PPM1B: variants seen among roughly 807,000 people sequenced by gnomAD.
PPM1B encodes the protein protein phosphatase, Mg2+/Mn2+ dependent 1B.
A neutral mutation model predicts 43.0 loss-of-function variants in PPM1B; 22 were observed. That is an observed-to-expected ratio of 0.51 (90% CI 0.37 to 0.73). The LOEUF is 0.73. Ranked by LOEUF, PPM1B falls within the 30% of genes least tolerant of loss-of-function variation. PPM1B has a pLI of 0.00. For missense variants in PPM1B, 632 were observed against 584.2 expected (o/e 1.08, Z -0.84); for synonymous variants, 217 against 197.9 (o/e 1.10, Z -0.81).
In PPM1B at chr2:44,231,462, G is replaced by C. The variant is rs1670467369; in HGVS notation, c.*744G>C. 1.0e-6 allele frequency: 1 copy of C among 972,430 alleles called. No homozygotes were observed. Among genetic ancestry groups the C allele is most frequent in the African/African-American group, 1.8e-5 (1 of 56,944 alleles). The allele number at this position is 972,430 out of a possible 1,614,324, so 60.2% of individuals were successfully genotyped here. On this transcript the variant is annotated 3_prime_UTR_variant, in exon 6 of 6. Transcript: ENST00000282412. ...TAAGTCCAAATAAAGCATGTGATGT[G>C]GAATAATCTATGCATGTTGTACTTA... is the stretch of plus-strand genomic sequence containing the variant.
At chr2:44,182,036 A>G (rs1008010761) in intron 1 of PPM1B, among the ~76,000 whole-genome samples, 6 of 152,170 alleles carry the variant, frequency 3.9e-5, no homozygotes, top group African/African-American at 1.2e-4. Flanking sequence ...GGCGTTACCA[A>G]TAGTTTGAAA....
chr2:44,231,371 G>C lies in PPM1B; in HGVS notation c.*653G>C. The C allele has an allele frequency of 2.1e-6, 2 of 974,756 alleles. No individual in the cohort carries two copies. The highest frequency in any genetic ancestry group is 2.4e-6 in the Non-Finnish European group (2 of 820,400). The allele number at this position is 974,756 out of a possible 1,614,324, so 60.4% of individuals were successfully genotyped here. On this transcript the variant is annotated 3_prime_UTR_variant, in exon 6 of 6. Coordinates refer to ENST00000282412, the MANE Select transcript of PPM1B (RefSeq NM_002706.6). Reference sequence around the variant, plus strand: ...CATACAGCTTTGGTTTGTATATTCTGTATAGCCTAACTACACACATCAAAA... The same window carrying C: ...CATACAGCTTTGGTTTGTATATTCTCTATAGCCTAACTACACACATCAAAA...
At chr2:44,213,037 C>T (rs1262665255) in intron 3 of PPM1B, among the ~76,000 whole-genome samples, 16 of 147,438 alleles carry the variant, frequency 1.1e-4, no homozygotes, top group African/African-American at 4.0e-4. Context: ...AAAAAAATTC[C>T]ATTTAGTAAA....
intron 2 of PPM1B, 90 bp from the exon 3 acceptor site, chr2:44,209,120 A>T: frequency 8.6e-7 from 1 of 1,161,710 alleles, no homozygotes; most frequent in Non-Finnish European, 1.2e-6. Flanking sequence ...TGGATGATTA[A>T]ATAAACTATA....
At chr2:44,224,323 C>T (rs187532200) in intron 5 of PPM1B, among the ~76,000 whole-genome samples, 5,397 of 151,396 alleles carry the variant, frequency 0.036, 307 homozygotes, top group African/African-American at 0.12. Context: ...GGCGTGGTGG[C>T]GGGCGCCTGT....
At chr2:44,226,775 G>A (rs1056328737) in intron 5 of PPM1B, among the ~76,000 whole-genome samples, 8 of 137,272 alleles carry the variant, frequency 5.8e-5, no homozygotes, top group Non-Finnish European at 7.8e-5. Context: ...GGGGGTTTTC[G>A]GGGGAAGAGG....
chr2:44,233,985 G>T, downstream of PPM1B: 1 of 985,298 alleles, frequency 1.0e-6, no homozygotes, highest in Non-Finnish European at 1.2e-6. Context: ...GTACTTCCCA[G>T]TATGATATTG....
chr2:44,193,357 T>G (rs1227020307), intron 1 of PPM1B, among the ~76,000 whole-genome samples: 1 of 152,150 alleles, frequency 6.6e-6, no homozygotes, highest in African/African-American at 2.4e-5. Context: ...TTGTATGCCA[T>G]TTTAATTTCA....
intron 2 of PPM1B, among the ~76,000 whole-genome samples, chr2:44,207,827 C>T (rs1289714843): frequency 6.6e-6 from 1 of 151,028 alleles, no homozygotes; most frequent in South Asian, 2.1e-4. Flanking sequence ...AAATAGTCTG[C>T]TCACCGAGGC....
intron 5 of PPM1B, among the ~76,000 whole-genome samples, chr2:44,228,552 A>G (rs1412785827): frequency 6.6e-6 from 1 of 152,182 alleles, no homozygotes; most frequent in Non-Finnish European, 1.5e-5. Flanking sequence ...ATATGGCTTT[A>G]TTAGTGTTAT....
At chr2:44,233,622 T>A, downstream of PPM1B, 1 of 985,820 alleles carries the variant, frequency 1.0e-6, no homozygotes, top group Non-Finnish European at 1.2e-6. Context: ...TAATTGCCCT[T>A]GTGTGTAGTT....
downstream of PPM1B, chr2:44,234,019 A>G (rs1670542371): frequency 1.0e-6 from 1 of 981,918 alleles, no homozygotes; most frequent in Non-Finnish European, 1.2e-6. Flanking sequence ...AATGCAGTGA[A>G]CATAACCAAC....
downstream of PPM1B, among the ~76,000 whole-genome samples, chr2:44,244,975 T>A (rs577033098): frequency 7.9e-5 from 12 of 152,044 alleles, no homozygotes; most frequent in South Asian, 2.3e-3. Flanking sequence ...ATTTTTCCTA[T>A]AGCGGTGTAA....
chr2:44,233,209 A>G (rs1352391761), downstream of PPM1B: 2 of 915,926 alleles, frequency 2.2e-6, no homozygotes, highest in Non-Finnish European at 2.6e-6. Context: ...GTAATTTGGT[A>G]TTTTTAATCA....
intron 1 of PPM1B, among the ~76,000 whole-genome samples, chr2:44,175,328 T>C (rs7595470): frequency 0.8 from 121,631 of 152,112 alleles, 48,760 homozygotes; most frequent in South Asian, 0.9. Context: ...TAGGAGATTT[T>C]GTTGAGCTTT....
chr2:44,230,033 G>C, intron 5 of PPM1B: 1 of 1,588,410 alleles, frequency 6.3e-7, no homozygotes, highest in Non-Finnish European at 8.6e-7. Context: ...CTGCTTTTCT[G>C]TCCTTTTCCT....
At chr2:44,211,742 C>CTTTTTTTTTTTTTTTTTTTTTT (rs55716263) in intron 3 of PPM1B, among the ~76,000 whole-genome samples, 1 of 78,614 alleles carries the variant, frequency 1.3e-5, no homozygotes. Context: ...CTGATTCTGT[C>CTTTTTTTTTTTTTTTTTTTTTT]TTTTTTTTTT....
chr2:44,205,523 C>T (rs114047159), intron 2 of PPM1B, among the ~76,000 whole-genome samples: 208 of 152,212 alleles, frequency 1.4e-3, no homozygotes, highest in African/African-American at 4.7e-3. Context: ...AGTCTCATCT[C>T]ACTTAGGGAA....
intron 5 of PPM1B, among the ~76,000 whole-genome samples, chr2:44,240,128 C>T (rs1670714908): frequency 6.9e-6 from 1 of 145,760 alleles, no homozygotes; most frequent in Non-Finnish European, 1.5e-5. Flanking sequence ...CTGCCTCGGC[C>T]TCCCAAAGTA....
Sources: gnomAD v4.1 joint callset for allele counts (sites outside exome capture counted in the v4.1 genomes callset) on GRCh38, gnomAD v4.1.1 for gene constraint, MANE v1.5 for transcripts, NCBI Gene and HGNC (gene_info 2026-07-23, HGNC 2026-07-21) for gene names.